RAD54L2: variants seen among roughly 807,000 people sequenced by gnomAD.
The protein encoded by RAD54L2 is helicase ARIP4.
A neutral mutation model predicts 138.4 loss-of-function variants in RAD54L2; 27 were observed. That is an observed-to-expected ratio of 0.20 (90% CI 0.14 to 0.27). The LOEUF is 0.27. RAD54L2 is among the 10% of genes least tolerant of loss of function. RAD54L2 has a pLI of 1.00. For missense variants in RAD54L2, 1,396 were observed against 1,890.2 expected (o/e 0.74, Z 4.85); for synonymous variants, 644 against 723.2 (o/e 0.89, Z 1.76).
chr3:51,603,570 C>T (rs185316555), intron 3 of RAD54L2, among the ~76,000 whole-genome samples: 41 of 152,160 alleles, frequency 2.7e-4, no homozygotes, highest in Admixed American at 2.5e-3. Context: ...TGTGCTGTTA[C>T]ACTCTGGCTT....
At chr3:51,591,029 A>C (rs1461218798) in intron 3 of RAD54L2, among the ~76,000 whole-genome samples, 2 of 152,190 alleles carry the variant, frequency 1.3e-5, no homozygotes, top group Admixed American at 6.5e-5. Flanking sequence ...ACAGATTCAC[A>C]ACTTCAGAAA....
Position 51,637,111 on chromosome 3 carries a change from T to C in RAD54L2, c.1340-50T>C, listed in dbSNP as rs1293778526. On this transcript the variant is annotated intron_variant, in intron 10 of 22. Transcript: ENST00000684192. The surrounding 1 kb of genome is among the most constrained non-coding windows in gnomAD (Gnocchi z 5.9). The stretch of plus-strand genomic sequence containing the variant: ...CACCCCTACTTCTCATATTATTGAC[T>C]AAGAGCAGGCCCTGTCACCCTCTGA... 6.8e-7 allele frequency: 1 copy of C among 1,474,054 alleles called. No individual in the cohort carries two copies. Among genetic ancestry groups the C allele is most frequent in the East Asian group, 2.5e-5 (1 of 40,432 alleles). 91.3% of individuals were successfully genotyped at this position (1,474,054 alleles called of 1,614,324 possible). A position where few individuals can be genotyped will look rare whatever the true frequency, so the allele number is the denominator to read the frequency against.
At chr3:51,577,903 C>T (rs1193651786) in intron 2 of RAD54L2, among the ~76,000 whole-genome samples, 1 of 152,060 alleles carries the variant, frequency 6.6e-6, no homozygotes, top group Non-Finnish European at 1.5e-5. Flanking sequence ...TTGGAACCTC[C>T]CCCCAGTTAC....
intron 2 of RAD54L2, among the ~76,000 whole-genome samples, chr3:51,560,390 C>T (rs1213904486): frequency 6.9e-6 from 1 of 144,716 alleles, no homozygotes. Context: ...GATGGAGTCT[C>T]GCTCTGTCAC....
At chr3:51,565,852 G>A (rs9881844) in intron 2 of RAD54L2, among the ~76,000 whole-genome samples, 5,084 of 124,786 alleles carry the variant, frequency 0.041, 340 homozygotes, top group African/African-American at 0.14. Flanking sequence ...TTTTTGAGAC[G>A]GAGTCTTGCT....
In RAD54L2 at chr3:51,569,984, C is replaced by T. The variant is rs559842901; in HGVS notation, c.-54-20383C>T. Among the ~76,000 whole-genome samples, 3 of 151,778 alleles carry T rather than the reference C, an allele frequency of 2.0e-5. 1 individual carries two copies. The South Asian group carries it at 6.2e-4, about 32-fold the overall frequency. On this transcript the variant is annotated intron_variant, in intron 2 of 22. Transcript: ENST00000684192. ...AGTAGCTGGGTCTACGGACGTGCACCACTATGCCCAGCTGATTTTGTAGTT... is the reference window on the plus strand; with the variant it reads ...AGTAGCTGGGTCTACGGACGTGCACTACTATGCCCAGCTGATTTTGTAGTT...
intron 2 of RAD54L2, among the ~76,000 whole-genome samples, chr3:51,548,821 C>CTTTTTTT (rs1168106948): frequency 5.9e-5 from 6 of 101,308 alleles, no homozygotes; most frequent in African/African-American, 1.6e-4. Flanking sequence ...AGTAACTCTG[C>CTTTTTTT]TTTTTTTTTT....
chr3:51,627,409 T>C (rs1700716089), intron 3 of RAD54L2, 144 bp from the exon 4 acceptor site: 2 of 736,406 alleles, frequency 2.7e-6, no homozygotes, highest in Non-Finnish European at 4.6e-6. Flanking sequence ...ATACATCCAC[T>C]GATGTTCAGA....
intron 2 of RAD54L2, among the ~76,000 whole-genome samples, chr3:51,587,409 C>T (rs372408912): frequency 9.9e-5 from 15 of 152,200 alleles, no homozygotes; most frequent in South Asian, 4.2e-4. Flanking sequence ...GCCGGATAGT[C>T]GTTTCTGCAG....
chr3:51,571,739 C>T (rs965296511), intron 2 of RAD54L2, among the ~76,000 whole-genome samples: 1 of 152,080 alleles, frequency 6.6e-6, no homozygotes, highest in Non-Finnish European at 1.5e-5. Flanking sequence ...CGCATGCACA[C>T]GCACATGGCA....
intron 3 of RAD54L2, among the ~76,000 whole-genome samples, chr3:51,614,793 G>A (rs1307749101): frequency 1.3e-5 from 2 of 151,808 alleles, no homozygotes; most frequent in South Asian, 2.1e-4. Context: ...GATTACAGGC[G>A]GGAGCCACTG....
intron 3 of RAD54L2, among the ~76,000 whole-genome samples, chr3:51,599,631 C>T (rs1274838868): frequency 6.6e-6 from 1 of 151,300 alleles, no homozygotes; most frequent in African/African-American, 2.4e-5. Context: ...TGGCTTACTA[C>T]AGCCTCTGTC....
At chr3:51,545,449 C>T (rs1553672072) in intron 2 of RAD54L2, among the ~76,000 whole-genome samples, 12 of 151,904 alleles carry the variant, frequency 7.9e-5, no homozygotes. Context: ...CTCTGCTTCC[C>T]AAAGTGCTGG....
intron 15 of RAD54L2, among the ~76,000 whole-genome samples, chr3:51,642,498 G>C (rs1257842101): frequency 6.6e-6 from 1 of 151,752 alleles, no homozygotes; most frequent in Admixed American, 6.6e-5. Context: ...GGGTGGTAAT[G>C]AAAAAAAAGT....
intron 19 of RAD54L2, among the ~76,000 whole-genome samples, chr3:51,650,152 T>G (rs1701391458): frequency 6.6e-6 from 1 of 152,086 alleles, no homozygotes; most frequent in Non-Finnish European, 1.5e-5. Context: ...GCTATTAAAA[T>G]AGACTTCAAA....
intron 2 of RAD54L2, among the ~76,000 whole-genome samples, chr3:51,569,722 T>C (rs575443867): frequency 6.6e-6 from 1 of 152,214 alleles, no homozygotes; most frequent in African/African-American, 2.4e-5. Flanking sequence ...TTACTGCTTT[T>C]TTTCTTATGT....
intron 21 of RAD54L2, among the ~76,000 whole-genome samples, chr3:51,658,888 T>C (rs1437072605): frequency 6.6e-6 from 1 of 151,928 alleles, no homozygotes; most frequent in Non-Finnish European, 1.5e-5. Context: ...GAGATAAGAA[T>C]GGGTTTAACA....
chr3:51,639,720 T>C, intron 13 of RAD54L2, 50 bp downstream of exon 13: 1 of 1,602,438 alleles, frequency 6.2e-7, no homozygotes, highest in African/African-American at 1.3e-5. Context: ...TGAGAAGGGA[T>C]GGTGCAAGCC....
In RAD54L2 at chr3:51,616,759, C is replaced by T. The variant is rs190077102; in HGVS notation, c.140-10794C>T. On this transcript the variant is annotated intron_variant, in intron 3 of 22. Coordinates refer to ENST00000684192, the MANE Select transcript of RAD54L2 (RefSeq NM_015106.4). ...AGGAAAATTGCTTGAACCCAGGAGG[C>T]GGAGGTTGCAGTGAATGGGGATCAT... 1.6e-4 allele frequency among the ~76,000 whole-genome samples: 24 copies of T among 152,124 alleles called. 1 individual carries two copies. Among genetic ancestry groups the T allele is most frequent in the Middle Eastern group, 6.8e-3 (2 of 294 alleles).
Sources: allele counts gnomAD v4.1 joint callset (sites outside exome capture counted in the v4.1 genomes callset), GRCh38; gene constraint gnomAD v4.1.1; non-coding constraint Gnocchi (gnomAD v3.1); transcripts MANE v1.5; gene names NCBI Gene and HGNC (gene_info 2026-07-23, HGNC 2026-07-21).